LRRC7: variants seen among roughly 807,000 people sequenced by gnomAD.
LRRC7 encodes the protein leucine rich repeat containing 7.
Under a neutral mutation model 175.7 loss-of-function variants are expected in LRRC7, and 23 were observed. That is an observed-to-expected ratio of 0.13 (90% CI 0.09 to 0.19). LRRC7 has a LOEUF of 0.19. Ranked by LOEUF, LRRC7 falls within the 10% of genes least tolerant of loss-of-function variation. The probability of loss-of-function intolerance (pLI) is 1.00; values close to 1 mark genes in which losing one functional copy is unlikely to be tolerated. For synonymous variants in LRRC7, 685 were observed against 680.9 expected (o/e 1.01, Z -0.09); for missense variants, 1,354 against 1,904.7 (o/e 0.71, Z 5.38).
At chr1:70,070,192 G>T (rs1041632345) in intron 23 of LRRC7, among the ~76,000 whole-genome samples, 30 of 151,840 alleles carry the variant, frequency 2.0e-4, no homozygotes, top group African/African-American at 7.3e-4. Flanking sequence ...ACAGCGTTTC[G>T]CCGTGTTGCC....
intron 1 of LRRC7, among the ~76,000 whole-genome samples, chr1:69,594,002 AT>A (rs1237554674): frequency 6.6e-6 from 1 of 152,092 alleles, no homozygotes; most frequent in Non-Finnish European, 1.5e-5. Flanking sequence ...TTCTGCAGGT[AT>A]TTTTTTCCTT....
At chr1:69,604,603 T>C (rs757402650) in intron 1 of LRRC7, among the ~76,000 whole-genome samples, 5 of 152,126 alleles carry the variant, frequency 3.3e-5, no homozygotes, top group East Asian at 1.9e-4. Context: ...ACATGATAGA[T>C]TGAGTTTTGA....
At chr1:69,722,124 T>C (rs1470508322) in intron 2 of LRRC7, among the ~76,000 whole-genome samples, 1 of 141,968 alleles carries the variant, frequency 7.0e-6, no homozygotes, top group Non-Finnish European at 1.5e-5. Flanking sequence ...TTCACATATG[T>C]AAGCCTATGT....
At chr1:70,007,243 G>C (rs1656073592) in intron 11 of LRRC7, among the ~76,000 whole-genome samples, 2 of 152,206 alleles carry the variant, frequency 1.3e-5, no homozygotes, top group Non-Finnish European at 2.9e-5. Context: ...CATCCAGAAA[G>C]ACGCTTATCA....
chr1:69,838,188 G>C (rs745941631), intron 6 of LRRC7, 39 bp from the exon 7 acceptor site: 1 of 1,470,122 alleles, frequency 6.8e-7, no homozygotes, highest in Non-Finnish European at 9.5e-7. Context: ...TTTTTAGACA[G>C]ACATACTAAG....
intron 1 of LRRC7, among the ~76,000 whole-genome samples, chr1:69,660,595 A>G (rs1197686265): frequency 2.6e-5 from 4 of 152,094 alleles, no homozygotes; most frequent in African/African-American, 9.7e-5. Flanking sequence ...TTCTCAGGAA[A>G]GGCCCCTGAA....
At chr1:70,104,059 G>A (rs780584909) in intron 25 of LRRC7, among the ~76,000 whole-genome samples, 1 of 152,132 alleles carries the variant, frequency 6.6e-6, no homozygotes, top group Non-Finnish European at 1.5e-5. Flanking sequence ...TGAAAGATTT[G>A]TAAGATGCCA....
chr1:69,800,720 G>T (rs1676375382), intron 4 of LRRC7, among the ~76,000 whole-genome samples: 1 of 151,730 alleles, frequency 6.6e-6, no homozygotes, highest in Admixed American at 6.6e-5. Context: ...CAGCTTGAAT[G>T]CTTTTTATTT....
In LRRC7 at chr1:70,076,144, C is replaced by T. The variant is rs1376546849; in HGVS notation, c.4298C>T (p.Pro1433Leu). ...CAGCATCGCAGCCGGGAGCAGCAGC[C>T]GTATGAAGGAAATATAAACAAAGTG... ...SLQHRSREQQPYEGNINKVTI... is the reference protein window; with the variant it reads ...SLQHRSREQQLYEGNINKVTI... Residue 1433 changes from proline to leucine, a missense_variant, in exon 24 of 27, where the codon CCG (proline) becomes CTG (leucine). By Grantham distance (98) the Pro-to-Leu change is moderately conservative (BLOSUM62 -3). Transcript: ENST00000651989. 4.3e-6 allele frequency: 7 copies of T among 1,613,984 alleles called. No individual in the cohort carries two copies. The highest frequency in any genetic ancestry group is 2.2e-5 in the East Asian group (1 of 44,872).
Position 69,717,790 on chromosome 1 carries a change from G to GAAAGAAAGAAAGAAAGAAAT in LRRC7, c.100+39331_100+39332insTAAAGAAAGAAAGAAAGAAA, listed in dbSNP as rs1557640554. Reference sequence around the variant, plus strand: ...AGAAAAAAAGAAAGAAAGAAAGAAAGAAAGAAAGAAAGAAAGAAAGAAAGA... The same window carrying GAAAGAAAGAAAGAAAGAAAT: ...AGAAAAAAAGAAAGAAAGAAAGAAAGAAAGAAAGAAAGAAAGAAATAAAGAAAGAAAGAAAGAAAGAAAGA... On this transcript the variant is annotated intron_variant, in intron 2 of 26. Transcript: ENST00000651989. Among the ~76,000 whole-genome samples, 2 of 19,824 alleles carry GAAAGAAAGAAAGAAAGAAAT rather than the reference G, an allele frequency of 1.0e-4. 1 individual carries two copies. Among genetic ancestry groups the GAAAGAAAGAAAGAAAGAAAT allele is most frequent in the African/African-American group, 5.8e-4 (2 of 3,446 alleles). The allele number at this position is 19,824 out of a possible 152,430, so 13.0% of individuals were successfully genotyped here. A position where few individuals can be genotyped will look rare whatever the true frequency, so the allele number is the denominator to read the frequency against.
chr1:69,802,153 T>A (rs542743800), intron 4 of LRRC7, among the ~76,000 whole-genome samples: 1 of 151,628 alleles, frequency 6.6e-6, no homozygotes, highest in African/African-American at 2.4e-5. Context: ...TCTATCTATA[T>A]TGGAGAATAC....
intron 6 of LRRC7, among the ~76,000 whole-genome samples, chr1:69,837,244 C>T (rs1002518169): frequency 4.6e-5 from 7 of 151,922 alleles, no homozygotes; most frequent in Non-Finnish European, 8.8e-5. Flanking sequence ...ACATGCATAA[C>T]ATTTTCATAA....
chr1:69,726,797 G>GA (rs897200969), intron 2 of LRRC7, among the ~76,000 whole-genome samples: 4 of 151,970 alleles, frequency 2.6e-5, no homozygotes, highest in African/African-American at 4.8e-5. Context: ...GAATACCAAG[G>GA]AAAAAATAAC....
At chr1:69,931,190 G>T (rs975736120) in intron 7 of LRRC7, among the ~76,000 whole-genome samples, 3 of 152,098 alleles carry the variant, frequency 2.0e-5, no homozygotes, top group Non-Finnish European at 4.4e-5. Context: ...CAATCCTGTG[G>T]TGACTCTTAA....
chr1:69,939,605 C>T (rs947054441), intron 8 of LRRC7, among the ~76,000 whole-genome samples: 1 of 152,098 alleles, frequency 6.6e-6, no homozygotes, highest in African/African-American at 2.4e-5. Flanking sequence ...TAGCTCACAG[C>T]TGAAAAGCTA....
intron 22 of LRRC7, among the ~76,000 whole-genome samples, chr1:70,048,164 T>A (rs1660479186): frequency 6.6e-6 from 1 of 152,130 alleles, no homozygotes; most frequent in Non-Finnish European, 1.5e-5. Flanking sequence ...TGTAAAATGC[T>A]AGTTCAAACC....
At chr1:69,678,709 G>T (rs1322760663) in intron 2 of LRRC7, among the ~76,000 whole-genome samples, 1 of 152,104 alleles carries the variant, frequency 6.6e-6, no homozygotes, top group Non-Finnish European at 1.5e-5. Context: ...TGATAATCAA[G>T]TTCCATGTTC....
Position 69,716,226 on chromosome 1 carries a change from C to T in LRRC7, c.100+37748C>T, listed in dbSNP as rs1488784672. On this transcript the variant is annotated intron_variant, in intron 2 of 26. Transcript: ENST00000651989. ...GACAGGAATAACTAGCAAGTAGATA[C>T]TATATTATTTTACTATGCTTAAGTA... 1.9e-5 allele frequency: 9 copies of T among 477,288 alleles called. No individual in the cohort carries two copies. The East Asian group carries it at 2.4e-4, about 13-fold the overall frequency. The allele number at this position is 477,288 out of a possible 1,614,324, so 29.6% of individuals were successfully genotyped here.
chr1:69,718,624 A>C (rs1666009347), intron 2 of LRRC7, among the ~76,000 whole-genome samples: 1 of 151,784 alleles, frequency 6.6e-6, no homozygotes, highest in Non-Finnish European at 1.5e-5. Flanking sequence ...ACATGTACTG[A>C]GTGAAAAGGA....
Sources: gnomAD v4.1 joint callset for allele counts (sites outside exome capture counted in the v4.1 genomes callset) on GRCh38, gnomAD v4.1.1 for gene constraint, MANE v1.5 for transcripts, NCBI Gene and HGNC (gene_info 2026-07-23, HGNC 2026-07-21) for gene names.